ITPR2: variants seen among roughly 807,000 people sequenced by gnomAD.
ITPR2 encodes inositol 1,4,5-trisphosphate receptor type 2.
In ITPR2, 207 loss-of-function variants were observed where a neutral mutation model predicts 317.1. The ratio of observed to expected loss-of-function variants is 0.65; its 90% CI spans 0.58 to 0.73. The LOEUF is 0.73. Ranked by LOEUF, ITPR2 falls within the 30% of genes least tolerant of loss-of-function variation. The pLI is 0.00. For missense variants in ITPR2, 2,613 were observed against 3,284.0 expected (o/e 0.80, Z 4.99); for synonymous variants, 1,156 against 1,149.1 (o/e 1.01, Z -0.12).
chr12:26,533,558 C>T (rs956986630), intron 37 of ITPR2, among the ~76,000 whole-genome samples: 1 of 152,088 alleles, frequency 6.6e-6, no homozygotes, highest in Admixed American at 6.5e-5. Flanking sequence ...AGAATATAAC[C>T]ATATTCAGAA....
chr12:26,445,807 G>C (rs1269781475), intron 45 of ITPR2, among the ~76,000 whole-genome samples: 1 of 152,116 alleles, frequency 6.6e-6, no homozygotes, highest in Non-Finnish European at 1.5e-5. Flanking sequence ...CAGGTGTAAG[G>C]GAGACCCAAG....
chr12:26,765,558 G>A (rs929714349), intron 2 of ITPR2, among the ~76,000 whole-genome samples: 1 of 151,912 alleles, frequency 6.6e-6, no homozygotes, highest in African/African-American at 2.4e-5. Context: ...TACAACAGTT[G>A]TTTAAACTTG....
chr12:26,809,876 C>CT (rs1434894330), intron 1 of ITPR2, among the ~76,000 whole-genome samples: 1 of 152,180 alleles, frequency 6.6e-6, no homozygotes, highest in Non-Finnish European at 1.5e-5. Context: ...TTCAGCTTTT[C>CT]TTTTTTCAGT....
intron 20 of ITPR2, 68 bp downstream of exon 20, chr12:26,655,640 A>C: frequency 7.4e-7 from 1 of 1,356,792 alleles, no homozygotes; most frequent in Non-Finnish European, 1.0e-6. Context: ...AAAGCAGAGA[A>C]AATAATACCT....
At chr12:26,617,587 TGAAA>T (rs369274674) in intron 26 of ITPR2, among the ~76,000 whole-genome samples, 4 of 101,496 alleles carry the variant, frequency 3.9e-5, no homozygotes, top group East Asian at 2.4e-4. Flanking sequence ...ATAGGAACAG[TGAAA>T]GAAAGAAAGA....
intron 2 of ITPR2, among the ~76,000 whole-genome samples, chr12:26,762,214 C>T (rs1175574333): frequency 3.9e-5 from 6 of 152,150 alleles, no homozygotes; most frequent in African/African-American, 9.7e-5. Flanking sequence ...CTAATTTGGA[C>T]AGGAAATGAA....
At chr12:26,772,488 ATACATATAATACATGTAT>A (rs1565752140) in intron 2 of ITPR2, among the ~76,000 whole-genome samples, 53 of 65,632 alleles carry the variant, frequency 8.1e-4, no homozygotes, top group African/African-American at 1.5e-3. Flanking sequence ...AATATATATA[ATACATATAATACATGTAT>A]TATATATAAT....
intron 21 of ITPR2, among the ~76,000 whole-genome samples, chr12:26,650,753 TAGTATGG>T (rs1947231889): frequency 1.3e-5 from 2 of 152,206 alleles, no homozygotes; most frequent in Non-Finnish European, 2.9e-5. Context: ...CAAGCAGCTT[TAGTATGG>T]ACATTTCAAG....
At position 26,571,711 on chromosome 12, in the gene ITPR2, A is replaced by G. The variant is rs1429784259; in HGVS notation, c.4630+7002T>C. Among the ~76,000 whole-genome samples, 4 of 152,356 alleles carry G rather than the reference A, an allele frequency of 2.6e-5. No homozygotes were observed. The East Asian group carries it at 5.8e-4, about 22-fold the overall frequency. ...ACCTTCAGAAAGCTGCCAAACCCTG[A>G]TAACGTCATTTCCCCATCTATAAAA... is the stretch of plus-strand genomic sequence containing the variant. On this transcript the variant is annotated intron_variant, in intron 34 of 56. Coordinates refer to ENST00000381340, the MANE Select transcript of ITPR2 (RefSeq NM_002223.4).
chr12:26,600,113 T>C lies in ITPR2; in HGVS notation c.3679-4A>G. 1.2e-6 allele frequency: 2 copies of C among 1,606,720 alleles called. No individual in the cohort carries two copies. Among genetic ancestry groups the C allele is most frequent in the South Asian group, 1.1e-5 (1 of 90,424 alleles). ...CTTCATTCATCTTTTCATCATTCTGTAAGTTAAAGAATAGCACATGATAGA... is the reference window on the plus strand; with the variant it reads ...CTTCATTCATCTTTTCATCATTCTGCAAGTTAAAGAATAGCACATGATAGA... On this transcript the variant is annotated splice_region_variant and splice_polypyrimidine_tract_variant and intron_variant, in intron 28 of 56. Coordinates refer to ENST00000381340, the MANE Select transcript of ITPR2 (RefSeq NM_002223.4).
intron 37 of ITPR2, among the ~76,000 whole-genome samples, chr12:26,504,911 G>A (rs749010654): frequency 2.0e-5 from 3 of 152,126 alleles, no homozygotes; most frequent in Non-Finnish European, 4.4e-5. Context: ...GAGCCTCACC[G>A]TAACACACAA....
intron 50 of ITPR2, among the ~76,000 whole-genome samples, chr12:26,416,997 T>C (rs1241448278): frequency 6.6e-6 from 1 of 152,184 alleles, no homozygotes; most frequent in Non-Finnish European, 1.5e-5. Context: ...ACAAAAGCTG[T>C]TGACATTGGG....
intron 45 of ITPR2, among the ~76,000 whole-genome samples, chr12:26,472,647 T>A (rs748028647): frequency 5.3e-5 from 8 of 152,228 alleles, no homozygotes; most frequent in Admixed American, 1.3e-4. Flanking sequence ...CCATCATCTT[T>A]GCATATGTCT....
At chr12:26,368,423 A>G (rs1237491197) in intron 55 of ITPR2, among the ~76,000 whole-genome samples, 1 of 152,224 alleles carries the variant, frequency 6.6e-6, no homozygotes, top group African/African-American at 2.4e-5. Context: ...ATTGGGAGAG[A>G]GTATATTCCT....
chr12:26,615,628 C>T (rs1307919360), intron 26 of ITPR2, among the ~76,000 whole-genome samples: 1 of 151,924 alleles, frequency 6.6e-6, no homozygotes, highest in African/African-American at 2.4e-5. Context: ...GCAATGGAAG[C>T]CAGAAGACAT....
At chr12:26,707,175 G>A (rs1193619508) in intron 9 of ITPR2, among the ~76,000 whole-genome samples, 5 of 152,102 alleles carry the variant, frequency 3.3e-5, no homozygotes, top group Non-Finnish European at 5.9e-5. Context: ...TTCCTTTGCC[G>A]TACCTGCAGC....
rs553242885 is a variant in ITPR2 at position 26,819,107 on chromosome 12, G to C, written c.92+13583C>G. Among the ~76,000 whole-genome samples, 3 of 152,254 alleles carry C rather than the reference G, an allele frequency of 2.0e-5. No individual in the cohort carries two copies. In the South Asian group the frequency reaches 6.2e-4, roughly 32 times the overall value. On this transcript the variant is annotated intron_variant, in intron 1 of 56. Transcript: ENST00000381340. ...GCATTATAGGATGTTAGAACCAGAA[G>C]AAATCAAAATATGTGTTTTATTTTT... is the stretch of plus-strand genomic sequence containing the variant.
chr12:26,823,417 T>C (rs760948062), intron 1 of ITPR2, among the ~76,000 whole-genome samples: 54 of 152,204 alleles, frequency 3.5e-4, no homozygotes, highest in Non-Finnish European at 6.0e-4. Context: ...AGAGTCATAC[T>C]ACAAATTCGC....
chr12:26,761,607 A>G (rs184842607), intron 2 of ITPR2, among the ~76,000 whole-genome samples: 123 of 152,354 alleles, frequency 8.1e-4, no homozygotes, highest in African/African-American at 2.7e-3. Flanking sequence ...CAGCCTGGGC[A>G]ACATAGTGAG....
Sources: gnomAD v4.1 joint callset for allele counts (sites outside exome capture counted in the v4.1 genomes callset) on GRCh38, gnomAD v4.1.1 for gene constraint, MANE v1.5 for transcripts, NCBI Gene and HGNC (gene_info 2026-07-23, HGNC 2026-07-21) for gene names.